The following ZNF365 variants were observed in gnomAD, a reference collection of about 807,000 sequenced individuals.
ZNF365 encodes the protein protein ZNF365.
A neutral mutation model predicts 35.0 loss-of-function variants in ZNF365; 22 were observed. The observed-to-expected ratio is 0.63, with a 90% CI of 0.45 to 0.90. The LOEUF is 0.90. Ranked by LOEUF, ZNF365 falls within the 40% of genes least tolerant of loss-of-function variation. ZNF365 has a pLI of 0.00. For synonymous variants in ZNF365, 188 were observed against 196.2 expected (o/e 0.96, Z 0.35); for missense variants, 448 against 500.3 (o/e 0.90, Z 1.00).
At chr10:62,462,394 G>T (rs907659077) in intron 4 of ZNF365, among the ~76,000 whole-genome samples, 2 of 152,228 alleles carry the variant, frequency 1.3e-5, no homozygotes, top group African/African-American at 4.8e-5. Context: ...AGCTGTGGGA[G>T]CCAGGAACCG....
In ZNF365 at chr10:62,426,417, T is replaced by C. The variant is rs994405612; in HGVS notation, c.925-33324T>C. ...TCCCTGCAGGCTACCCTGCTAGATA[T>C]GCACAGCCCAGTTCCAGAATCCTAA... On this transcript the variant is annotated intron_variant, in intron 3 of 4. Transcript: ENST00000395255. Among the ~76,000 whole-genome samples, 3 of 152,276 alleles carry C rather than the reference T, an allele frequency of 2.0e-5. No homozygotes were observed. In the East Asian group the frequency reaches 5.8e-4, roughly 29 times the overall value.
intron 3 of ZNF365, among the ~76,000 whole-genome samples, chr10:62,414,857 C>T (rs751462474): frequency 7.9e-5 from 12 of 151,974 alleles, no homozygotes; most frequent in South Asian, 2.1e-4. Flanking sequence ...CTGTGTTCCA[C>T]GTTTCTGGTG....
chr10:62,409,319 T>C (rs1455485760), intron 3 of ZNF365, among the ~76,000 whole-genome samples: 1 of 152,174 alleles, frequency 6.6e-6, no homozygotes, highest in Non-Finnish European at 1.5e-5. Context: ...GGTATAATTT[T>C]GGCATTGTTC....
intron 2 of ZNF365, among the ~76,000 whole-genome samples, chr10:62,384,573 A>G (rs1839495129): frequency 6.6e-6 from 1 of 152,254 alleles, no homozygotes; most frequent in Non-Finnish European, 1.5e-5. Context: ...TGGTAGTTCC[A>G]CATTCAGTCT....
chr10:62,463,701 G>A (rs993637276), intron 4 of ZNF365, among the ~76,000 whole-genome samples: 5 of 152,184 alleles, frequency 3.3e-5, no homozygotes, highest in Non-Finnish European at 5.9e-5. Flanking sequence ...TAAACATAAT[G>A]CCCAGTATCC....
chr10:62,411,091 G>A (rs1327795752), intron 3 of ZNF365, among the ~76,000 whole-genome samples: 1 of 152,144 alleles, frequency 6.6e-6, no homozygotes, highest in East Asian at 1.9e-4. Flanking sequence ...AGAAGTGTCT[G>A]TTCATGCCCT....
At chr10:62,445,429 C>T (rs912529913) in intron 3 of ZNF365, among the ~76,000 whole-genome samples, 1 of 152,020 alleles carries the variant, frequency 6.6e-6, no homozygotes, top group African/African-American at 2.4e-5. Context: ...ACATCCTCTC[C>T]AGCACCTGTT....
chr10:62,421,651 A>G (rs943636262), intron 3 of ZNF365, among the ~76,000 whole-genome samples: 6 of 152,246 alleles, frequency 3.9e-5, no homozygotes, highest in African/African-American at 1.2e-4. Flanking sequence ...TGATAGAGAT[A>G]TGCAAGAAGT....
chr10:62,415,281 A>G (rs1375347630), intron 3 of ZNF365, among the ~76,000 whole-genome samples: 2 of 152,082 alleles, frequency 1.3e-5, no homozygotes, highest in South Asian at 4.1e-4. Flanking sequence ...GCTCCAGATG[A>G]CTTTTTCTTT....
chr10:62,459,744 T>C lies in ZNF365; in HGVS notation c.928T>C (p.Trp310Arg), dbSNP rs1266427619. Residue 310 changes from tryptophan (W) to arginine (R), a missense_variant, in exon 4 of 5, where the codon TGG (tryptophan) becomes CGG (arginine). Transcript: ENST00000395255. ...AGTACCCTTCTTTTCCTTTCAGAGC[T>C]GGAAAGGTGCTGGCGAAGCTCGCCT... is the stretch of plus-strand genomic sequence containing the variant. The C allele has an allele frequency of 3.7e-6, 6 of 1,609,490 alleles. No homozygotes were observed. The Admixed American group carries it at 1.0e-4, about 27-fold the overall frequency.
At chr10:62,467,765 C>T (rs574407677) in intron 4 of ZNF365, among the ~76,000 whole-genome samples, 1 of 152,274 alleles carries the variant, frequency 6.6e-6, no homozygotes, top group South Asian at 2.1e-4. Context: ...ATGAATCATG[C>T]TTCAAGCCTC....
chr10:62,419,577 T>C (rs2132446516), intron 3 of ZNF365, among the ~76,000 whole-genome samples: 1 of 152,202 alleles, frequency 6.6e-6, no homozygotes, highest in African/African-American at 2.4e-5. Flanking sequence ...TAACACTGAT[T>C]AATGATTGGG....
chr10:62,473,002 ATTC>A (rs1266267336), intron 4 of ZNF365, among the ~76,000 whole-genome samples: 1 of 152,076 alleles, frequency 6.6e-6, no homozygotes, highest in Non-Finnish European at 1.5e-5. Context: ...TGTATCTTAT[ATTC>A]TTAGTTTCAT....
chr10:62,401,457 C>A lies in ZNF365; in HGVS notation c.*1668C>A. The A allele has an allele frequency of 1.0e-6, 1 of 976,872 alleles. No individual in the cohort carries two copies. The allele number at this position is 976,872 out of a possible 1,614,324, so 60.5% of individuals were successfully genotyped here. On this transcript the variant is annotated 3_prime_UTR_variant, in exon 5 of 5. Coordinates refer to ENST00000395254, the MANE Select transcript of ZNF365 (RefSeq NM_014951.3). ...CTGAACCTACCATAATGAAAATGTT[C>A]TTGAATCTTCACTTTGACTTTCAGT...
chr10:62,405,951 A>G (rs1323176493), downstream of ZNF365, among the ~76,000 whole-genome samples: 2 of 152,230 alleles, frequency 1.3e-5, no homozygotes, highest in African/African-American at 4.8e-5. Context: ...GCTTGAAATT[A>G]TAGCTAACAC....
intron 3 of ZNF365, among the ~76,000 whole-genome samples, chr10:62,417,175 G>C (rs1247555370): frequency 2.0e-5 from 3 of 151,990 alleles, no homozygotes; most frequent in Admixed American, 1.3e-4. Context: ...GAATGTACTT[G>C]AACTAAACAT....
rs542433165 is a variant in ZNF365, at chr10:62,477,945, G to T, written c.982-1931G>T. On this transcript the variant is annotated intron_variant, in intron 4 of 4. Coordinates refer to the ZNF365 transcript ENST00000395255. ...TAGAAACAAAAATATTTGGTGAAAG[G>T]TAATACAAACTCTCACAGTCCACCT... 1.8e-3 allele frequency among the ~76,000 whole-genome samples: 279 copies of T among 152,270 alleles called. 1 individual carries two copies. The highest frequency in any genetic ancestry group is 6.8e-3 in the Middle Eastern group (2 of 294).
At chr10:62,407,781 A>C (rs1382117083) in intron 3 of ZNF365, among the ~76,000 whole-genome samples, 1 of 152,208 alleles carries the variant, frequency 6.6e-6, no homozygotes, top group Admixed American at 6.5e-5. Context: ...TAGAAAATAC[A>C]TGGTATTTCC....
chr10:62,418,526 C>T (rs1173187049), intron 3 of ZNF365, among the ~76,000 whole-genome samples: 2 of 151,810 alleles, frequency 1.3e-5, no homozygotes, highest in Non-Finnish European at 2.9e-5. Context: ...AGGATGTCTC[C>T]TCTCTGTTAT....
Sources: allele counts gnomAD v4.1 joint callset (sites outside exome capture counted in the v4.1 genomes callset), GRCh38; gene constraint gnomAD v4.1.1; transcripts MANE v1.5; gene names NCBI Gene and HGNC (gene_info 2026-07-23, HGNC 2026-07-21).